The following RAD51B variants were observed in gnomAD, a reference collection of about 807,000 sequenced individuals.
RAD51B encodes DNA repair protein RAD51 homolog 2.
A neutral mutation model predicts 42.2 loss-of-function variants in RAD51B; 38 were observed. The observed-to-expected ratio is 0.90, with a 90% CI of 0.70 to 1.18. The LOEUF (loss-of-function observed/expected upper bound fraction) is 1.18, where lower values mean the gene tolerates loss of function less well. Ranked by LOEUF, RAD51B falls within the 50% of genes most tolerant of loss-of-function variation. The probability of loss-of-function intolerance (pLI) is 0.00; values close to 1 mark genes in which losing one functional copy is unlikely to be tolerated. For synonymous variants in RAD51B, 154 were observed against 145.2 expected, an observed-to-expected ratio of 1.06 and a Z score of -0.43; for missense variants, 373 against 400.7, an observed-to-expected ratio of 0.93 and a Z score of 0.59.
At chr14:67,929,349 A>G (rs563700292) in intron 7 of RAD51B, among the ~76,000 whole-genome samples, 1 of 152,228 alleles carries the variant, frequency 6.6e-6, no homozygotes, top group Admixed American at 6.5e-5. Flanking sequence ...TCATTGACCC[A>G]GTGGTCACTC....
At chr14:68,362,502 C>T (rs781682213) in intron 8 of RAD51B, among the ~76,000 whole-genome samples, 2 of 152,182 alleles carry the variant, frequency 1.3e-5, no homozygotes, top group Non-Finnish European at 1.5e-5. Context: ...CTAGAACCTA[C>T]GTTCTTTCAT....
chr14:68,191,298 T>C (rs1444734314), intron 7 of RAD51B, among the ~76,000 whole-genome samples: 1 of 152,170 alleles, frequency 6.6e-6, no homozygotes, highest in African/African-American at 2.4e-5. Flanking sequence ...GTGGAGGCCA[T>C]AGATTTGCTT....
intron 7 of RAD51B, among the ~76,000 whole-genome samples, chr14:68,075,189 G>A (rs188661931): frequency 6.6e-6 from 1 of 152,276 alleles, no homozygotes; most frequent in African/African-American, 2.4e-5. Flanking sequence ...AAGCCAGGAA[G>A]GCTTGCCTGG....
At chr14:67,961,335 T>TGAAG (rs1173068524) in intron 7 of RAD51B, among the ~76,000 whole-genome samples, 1 of 152,188 alleles carries the variant, frequency 6.6e-6, no homozygotes, top group Non-Finnish European at 1.5e-5. Context: ...ACAGTTTTGA[T>TGAAG]GAAGAAATTT....
intron 11 of RAD51B, among the ~76,000 whole-genome samples, chr14:68,678,711 A>AGGTC (rs1893364412): frequency 6.6e-6 from 1 of 152,110 alleles, no homozygotes; most frequent in Non-Finnish European, 1.5e-5. Flanking sequence ...AGGGGCACAG[A>AGGTC]GGTCTCCAAG....
intron 7 of RAD51B, among the ~76,000 whole-genome samples, chr14:67,976,395 G>A (rs556941706): frequency 1.3e-5 from 2 of 151,788 alleles, no homozygotes; most frequent in South Asian, 2.1e-4. Context: ...TGGAATTACA[G>A]GTGTGAGCCA....
chr14:68,626,529 A>G (rs140475914), intron 10 of RAD51B, among the ~76,000 whole-genome samples: 8 of 152,332 alleles, frequency 5.3e-5, no homozygotes, highest in Non-Finnish European at 8.8e-5. Context: ...TGAGCTGGAC[A>G]TCCAAGGTCA....
At chr14:68,564,526 C>A (rs371697555) in intron 10 of RAD51B, among the ~76,000 whole-genome samples, 1 of 152,180 alleles carries the variant, frequency 6.6e-6, no homozygotes, top group Admixed American at 6.5e-5. Context: ...CAGGCCTGAG[C>A]GGGCAGCTGG....
intron 10 of RAD51B, among the ~76,000 whole-genome samples, chr14:68,602,478 G>T (rs1022940335): frequency 6.7e-6 from 1 of 149,948 alleles, no homozygotes; most frequent in Non-Finnish European, 1.5e-5. Flanking sequence ...TGGGTGGGTG[G>T]GTGGATGGAT....
intron 7 of RAD51B, among the ~76,000 whole-genome samples, chr14:68,272,566 CTTA>C (rs1194800410): frequency 4.0e-5 from 5 of 124,896 alleles, no homozygotes; most frequent in Admixed American, 9.0e-5. Context: ...CTCAATAATA[CTTA>C]TTATTATGTT....
chr14:68,433,126 T>C (rs570475970), intron 9 of RAD51B, among the ~76,000 whole-genome samples: 8 of 152,338 alleles, frequency 5.3e-5, no homozygotes, highest in South Asian at 4.1e-4. Flanking sequence ...AGCTGTTAGT[T>C]TGATGGGCTT....
chr14:68,191,263 C>T (rs2079261430), intron 7 of RAD51B, among the ~76,000 whole-genome samples: 1 of 152,058 alleles, frequency 6.6e-6, no homozygotes, highest in Non-Finnish European at 1.5e-5. Context: ...AAAAATTAAG[C>T]ATATGTGTTT....
At chr14:68,176,041 C>T (rs953108150) in intron 7 of RAD51B, among the ~76,000 whole-genome samples, 2 of 152,162 alleles carry the variant, frequency 1.3e-5, no homozygotes, top group African/African-American at 4.8e-5. Flanking sequence ...AATGGCCAGA[C>T]ATGTGCTATA....
intron 7 of RAD51B, among the ~76,000 whole-genome samples, chr14:68,185,675 G>C (rs1445408783): frequency 6.6e-6 from 1 of 152,092 alleles, no homozygotes; most frequent in African/African-American, 2.4e-5. Flanking sequence ...GGATGGGGGC[G>C]GGGGTGGTGG....
At chr14:68,511,442 G>T (rs1188735320) in intron 10 of RAD51B, among the ~76,000 whole-genome samples, 2 of 152,186 alleles carry the variant, frequency 1.3e-5, no homozygotes, top group Non-Finnish European at 2.9e-5. Flanking sequence ...TCACCCTAGG[G>T]GGTGACAGGA....
At chr14:67,999,898 T>C (rs567346597) in intron 7 of RAD51B, among the ~76,000 whole-genome samples, 1 of 152,140 alleles carries the variant, frequency 6.6e-6, no homozygotes, top group Admixed American at 6.6e-5. Context: ...AGGAACTAAA[T>C]GAGCAAGGGC....
At chr14:68,255,157 C>T (rs2080726127) in intron 7 of RAD51B, among the ~76,000 whole-genome samples, 1 of 151,816 alleles carries the variant, frequency 6.6e-6, no homozygotes, top group Non-Finnish European at 1.5e-5. Flanking sequence ...CTTTTCCTCT[C>T]TCCCCACTAA....
At chr14:68,622,723 CA>C (rs34816047) in intron 10 of RAD51B, among the ~76,000 whole-genome samples, 2,273 of 115,420 alleles carry the variant, frequency 0.02, 20 homozygotes, top group African/African-American at 0.04. Context: ...TATCCATTTA[CA>C]AAAAAAAAAA....
At chr14:68,056,876 C>T (rs937138581) in intron 7 of RAD51B, among the ~76,000 whole-genome samples, 23 of 151,968 alleles carry the variant, frequency 1.5e-4, no homozygotes, top group African/African-American at 5.1e-4. Context: ...GTCAGGAGTT[C>T]GAGACCAGCC....
Sources: gnomAD v4.1 joint callset for allele counts (sites outside exome capture counted in the v4.1 genomes callset) on GRCh38, gnomAD v4.1.1 for gene constraint, MANE v1.5 for transcripts, NCBI Gene and HGNC (gene_info 2026-07-23, HGNC 2026-07-21) for gene names.